UBE3A: variants seen among roughly 807,000 people sequenced by gnomAD.
UBE3A encodes the protein ubiquitin protein ligase E3A.
A neutral mutation model predicts 83.4 loss-of-function variants in UBE3A; 6 were observed. The observed-to-expected ratio is 0.07, with a 90% CI of 0.04 to 0.14. UBE3A has a LOEUF of 0.14. Ranked by LOEUF, UBE3A falls within the 10% of genes least tolerant of loss-of-function variation. UBE3A has a pLI of 1.00. For synonymous variants in UBE3A, 337 were observed against 355.4 expected (o/e 0.95, Z 0.58); for missense variants, 456 against 1,036.1 (o/e 0.44, Z 7.69).
intron 3 of UBE3A, chr15:25,405,748 C>T (rs2088375867): frequency 3.8e-6 from 2 of 532,430 alleles, no homozygotes; most frequent in Admixed American, 3.3e-5. Flanking sequence ...AAACGCTATA[C>T]ATAGATACCA....
At chr15:25,414,127 T>C (rs985096367) in intron 1 of UBE3A, among the ~76,000 whole-genome samples, 1 of 152,166 alleles carries the variant, frequency 6.6e-6, no homozygotes, top group Non-Finnish European at 1.5e-5. Context: ...GATGTCTCAT[T>C]AACATCTACA....
intron 6 of UBE3A, among the ~76,000 whole-genome samples, chr15:25,361,415 C>T (rs1213353671): frequency 6.6e-6 from 1 of 152,132 alleles, no homozygotes; most frequent in Non-Finnish European, 1.5e-5. Context: ...TGAGCAACTG[C>T]ACCCAGCCCT....
At chr15:25,339,824 T>C in intron 12 of UBE3A, 1 of 490,454 alleles carries the variant, frequency 2.0e-6, no homozygotes, top group Non-Finnish European at 3.7e-6. Flanking sequence ...ATTAACAAGC[T>C]GGGAATCAAA....
chr15:25,431,869 T>G (rs1318957671), intron 1 of UBE3A, among the ~76,000 whole-genome samples: 6 of 152,202 alleles, frequency 3.9e-5, no homozygotes, highest in African/African-American at 7.2e-5. Context: ...GCTGTAAGAT[T>G]ATCAATATTG....
intron 5 of UBE3A, 112 bp downstream of exon 5, chr15:25,375,353 G>A (rs1595857925): frequency 1.1e-5 from 14 of 1,319,198 alleles, no homozygotes; most frequent in African/African-American, 3.0e-5. Flanking sequence ...TTGGTTCTAC[G>A]ATATCAAAAT....
intron 4 of UBE3A, among the ~76,000 whole-genome samples, chr15:25,397,052 A>G (rs1423928235): frequency 6.6e-6 from 1 of 152,184 alleles, no homozygotes; most frequent in African/African-American, 2.4e-5. Flanking sequence ...AAATACTATT[A>G]AGGTATTAGG....
intron 4 of UBE3A, among the ~76,000 whole-genome samples, chr15:25,396,367 G>C (rs552873202): frequency 2.1e-4 from 32 of 152,270 alleles, no homozygotes; most frequent in African/African-American, 7.2e-4. Context: ...CACTTTGTGA[G>C]GCCAAGGCAG....
chr15:25,388,764 C>G (rs2083664946), intron 4 of UBE3A, among the ~76,000 whole-genome samples: 2 of 152,066 alleles, frequency 1.3e-5, no homozygotes, highest in African/African-American at 2.4e-5. Flanking sequence ...GTGATTATAG[C>G]AAAGCTGCAG....
At chr15:25,388,340 C>T (rs1398289549) in intron 4 of UBE3A, among the ~76,000 whole-genome samples, 1 of 152,258 alleles carries the variant, frequency 6.6e-6, no homozygotes, top group African/African-American at 2.4e-5. Context: ...TAATGCAATT[C>T]ACCATATCAA....
At chr15:25,339,743 A>C in intron 12 of UBE3A, 1 of 357,990 alleles carries the variant, frequency 2.8e-6, no homozygotes, top group Non-Finnish European at 5.3e-6. Flanking sequence ...GGATTCTAGC[A>C]CAATCAAATG....
Position 25,371,141 on chromosome 15 carries a change from T to C in UBE3A, c.1033A>G (p.Thr345Ala). The C allele has an allele frequency of 6.2e-7, 1 of 1,614,176 alleles. No homozygotes were observed. Among genetic ancestry groups the C allele is most frequent in the Non-Finnish European group, 8.5e-7 (1 of 1,180,032 alleles). ...RMMETFQQLI[T>A]YKVISNEFNS... ...AATTCATTGCTTATGACTTTATAAG[T>C]AATAAGTTGCTGAAATGTCTCCATC... Residue 345 changes from threonine to alanine, a missense_variant, in exon 6 of 13, where the codon ACT becomes GCT. Around this residue, in one of 13 missense-constraint regions of UBE3A, gnomAD observed 85 missense variants for 137.0 expected, o/e 0.62. Coordinates refer to ENST00000648336, the MANE Select transcript of UBE3A (RefSeq NM_130839.5). The surrounding 1 kb of genome is among the most constrained non-coding windows in gnomAD (Gnocchi z 5.3).
At position 25,338,020 on chromosome 15, in the gene UBE3A, C is replaced by T. The variant is rs1271049378; in HGVS notation, c.*1117G>A. 6.6e-6 allele frequency: 1 copy of T among 152,060 alleles called. No homozygotes were observed. The highest frequency in any genetic ancestry group is 1.5e-5 in the Non-Finnish European group (1 of 68,006). The allele number at this position is 152,060 out of a possible 1,614,324, so 9.4% of individuals were successfully genotyped here. ...TTTCATTCATTTCCAGGTCAGCTTA[C>T]TGTATGATTAAGTAACACAAGGCAC... On this transcript the variant is annotated 3_prime_UTR_variant, in exon 13 of 13. Transcript: ENST00000648336.
intron 4 of UBE3A, among the ~76,000 whole-genome samples, chr15:25,376,267 A>G (rs1294112077): frequency 6.6e-6 from 1 of 152,216 alleles, no homozygotes; most frequent in Non-Finnish European, 1.5e-5. Flanking sequence ...AATAAAAACT[A>G]TTTTTCCCAA....
At chr15:25,357,138 A>C (rs1187766951) in intron 7 of UBE3A, among the ~76,000 whole-genome samples, 5 of 152,168 alleles carry the variant, frequency 3.3e-5, no homozygotes, top group African/African-American at 1.2e-4. Flanking sequence ...AGTAGTAAGT[A>C]ATTTGGTGGC....
intron 3 of UBE3A, among the ~76,000 whole-genome samples, chr15:25,406,821 A>C (rs1486791460): frequency 6.6e-6 from 1 of 150,684 alleles, no homozygotes; most frequent in African/African-American, 2.4e-5. Flanking sequence ...CCCTCACTGC[A>C]ATTCATTCAG....
At chr15:25,379,677 T>C (rs1310806728) in intron 4 of UBE3A, among the ~76,000 whole-genome samples, 1 of 152,170 alleles carries the variant, frequency 6.6e-6, no homozygotes, top group Non-Finnish European at 1.5e-5. Flanking sequence ...TGGAAAAGTA[T>C]ACACTAATAA....
At chr15:25,391,759 T>C (rs1054666797) in intron 4 of UBE3A, 3 of 152,094 alleles carry the variant, frequency 2.0e-5, no homozygotes, top group Admixed American at 1.3e-4. Flanking sequence ...AAGTTTAAGA[T>C]AGTAGAAAAG....
intron 2 of UBE3A, among the ~76,000 whole-genome samples, chr15:25,411,056 C>T (rs2089898030): frequency 6.6e-6 from 1 of 152,184 alleles, no homozygotes; most frequent in African/African-American, 2.4e-5. Context: ...AAACTAGAGT[C>T]AAGTCCTCTC....
intron 6 of UBE3A, among the ~76,000 whole-genome samples, chr15:25,361,402 G>A (rs1022849361): frequency 2.6e-5 from 4 of 152,044 alleles, no homozygotes; most frequent in African/African-American, 7.2e-5. Context: ...GGGATTACAG[G>A]CGTGAGCAAC....
Sources: allele counts gnomAD v4.1 joint callset (sites outside exome capture counted in the v4.1 genomes callset), GRCh38; gene constraint gnomAD v4.1.1; regional missense constraint gnomAD v4.1.1; non-coding constraint Gnocchi (gnomAD v3.1); transcripts MANE v1.5; gene names NCBI Gene and HGNC (gene_info 2026-07-23, HGNC 2026-07-21).